MTF2: variants seen among roughly 807,000 people sequenced by gnomAD.
The protein encoded by MTF2 is metal response element binding transcription factor 2, also known as metal-response element-binding transcription factor 2.
Under a neutral mutation model 79.5 loss-of-function variants are expected in MTF2, and 11 were observed. The observed-to-expected ratio is 0.14, with a 90% CI of 0.09 to 0.23. The LOEUF (loss-of-function observed/expected upper bound fraction) is 0.23, where lower values mean the gene tolerates loss of function less well. Ranked by LOEUF, MTF2 falls within the 10% of genes least tolerant of loss-of-function variation. The pLI, the probability that MTF2 is intolerant of heterozygous loss-of-function variation, is 1.00. For synonymous variants in MTF2, 208 were observed against 232.8 expected, an observed-to-expected ratio of 0.89 and a Z score of 0.97; for missense variants, 486 against 711.2, an observed-to-expected ratio of 0.68 and a Z score of 3.60.
chr1:93,085,423 C>T (rs1311835783), intron 1 of MTF2, among the ~76,000 whole-genome samples: 2 of 151,002 alleles, frequency 1.3e-5, no homozygotes, highest in Admixed American at 1.3e-4. Flanking sequence ...ATGATGCGCC[C>T]TTCGTGGCTT....
At chr1:93,111,890 C>A (rs1052420458) in intron 3 of MTF2, among the ~76,000 whole-genome samples, 1 of 152,020 alleles carries the variant, frequency 6.6e-6, no homozygotes, top group Non-Finnish European at 1.5e-5. Flanking sequence ...CTTTTTACTC[C>A]CCTTCCATTA....
intron 1 of MTF2, among the ~76,000 whole-genome samples, chr1:93,090,620 G>A (rs1655036655): frequency 6.6e-6 from 1 of 151,858 alleles, no homozygotes; most frequent in African/African-American, 2.4e-5. Flanking sequence ...TAAGAGAGTA[G>A]GATTGTTGGA....
intron 9 of MTF2, chr1:93,121,465 G>T: frequency 1.0e-6 from 1 of 973,468 alleles, no homozygotes; most frequent in African/African-American, 1.8e-5. Context: ...TTTTTTTTAG[G>T]TAAAAATTTT....
At chr1:93,113,300 G>A (rs375902022) in intron 3 of MTF2, among the ~76,000 whole-genome samples, 5 of 152,050 alleles carry the variant, frequency 3.3e-5, no homozygotes, top group African/African-American at 1.2e-4. Context: ...GCATTGCTTG[G>A]GCTTGGGAAG....
chr1:93,120,521 T>C (rs1427547715), intron 8 of MTF2, 28 bp from the exon 9 acceptor site: 1 of 1,542,322 alleles, frequency 6.5e-7, no homozygotes, highest in Non-Finnish European at 8.7e-7. Flanking sequence ...AACATTGTTT[T>C]GTGTATTTGA....
chr1:93,112,407 A>G (rs1656067037), intron 3 of MTF2, among the ~76,000 whole-genome samples: 1 of 152,218 alleles, frequency 6.6e-6, no homozygotes, highest in South Asian at 2.1e-4. Flanking sequence ...AAATATTAGT[A>G]GTCAACAGGG....
chr1:93,125,547 G>A (rs1172901551), intron 9 of MTF2, among the ~76,000 whole-genome samples: 1 of 152,028 alleles, frequency 6.6e-6, no homozygotes, highest in Non-Finnish European at 1.5e-5. Flanking sequence ...AAGGATGACA[G>A]AATCAAGAGA....
chr1:93,087,756 A>G (rs1654907760), intron 1 of MTF2, among the ~76,000 whole-genome samples: 1 of 152,156 alleles, frequency 6.6e-6, no homozygotes, highest in Non-Finnish European at 1.5e-5. Flanking sequence ...ATCTAGAATA[A>G]CTTTGTCTCA....
In MTF2 at chr1:93,127,312, A is replaced by G. The variant is rs41313254; in HGVS notation, c.989+13A>G. ...ATTACAAGACCATGTAAGTTGATTT[A>G]TTTTATGTATCCCTATGAGGGAGAC... On this transcript the variant is annotated intron_variant, in intron 10 of 14. Transcript: ENST00000370298. 14,566 of 1,530,318 alleles carry G rather than the reference A, an allele frequency of 9.5e-3. 80 individuals are homozygous for G. The highest frequency in any genetic ancestry group is 0.011 in the Non-Finnish European group (12,659 of 1,104,010). 94.8% of individuals were successfully genotyped at this position (1,530,318 alleles called of 1,614,324 possible).
intron 1 of MTF2, among the ~76,000 whole-genome samples, chr1:93,109,172 G>A (rs1433996037): frequency 6.6e-6 from 1 of 152,014 alleles, no homozygotes; most frequent in East Asian, 1.9e-4. Context: ...AATCTAATTT[G>A]GAAAAGTGAA....
At position 93,115,490 on chromosome 1, in the gene MTF2, A is replaced by G; in HGVS notation, c.504A>G (p.Lys168=). The G allele has an allele frequency of 1.2e-6, 2 of 1,603,472 alleles. No individual in the cohort carries two copies. The highest frequency in any genetic ancestry group is 1.7e-6 in the Non-Finnish European group (2 of 1,176,014). ...TTTKRGGALK[K]GPNAKALQVM... ...TGTAGAGGGGTGGTGCACTTAAGAA[A>G]GGACCAAATGCCAAAGCATTGCAAG... is the stretch of plus-strand genomic sequence containing the variant. Residue 168 remains lysine, a synonymous_variant, in exon 6 of 15, where the codon AAA becomes AAG. Coordinates refer to ENST00000370298, the MANE Select transcript of MTF2 (RefSeq NM_007358.4).
intron 3 of MTF2, among the ~76,000 whole-genome samples, chr1:93,113,244 GAC>G (rs1656105249): frequency 6.6e-6 from 1 of 151,678 alleles, no homozygotes; most frequent in Non-Finnish European, 1.5e-5. Flanking sequence ...TAGGCATGGT[GAC>G]ACACACGCCT....
chr1:93,082,021 C>T (rs1304548033), intron 1 of MTF2, among the ~76,000 whole-genome samples: 1 of 152,100 alleles, frequency 6.6e-6, no homozygotes, highest in East Asian at 1.9e-4. Context: ...TTACCACATA[C>T]CATGTCTTCT....
chr1:93,080,750 T>G (rs1654570526), intron 1 of MTF2, among the ~76,000 whole-genome samples: 1 of 150,982 alleles, frequency 6.6e-6, no homozygotes, highest in South Asian at 2.1e-4. Flanking sequence ...GGTTTCATTC[T>G]CTCTTGGGAA....
intron 11 of MTF2, among the ~76,000 whole-genome samples, chr1:93,129,768 G>A (rs1020493699): frequency 6.6e-6 from 1 of 152,006 alleles, no homozygotes; most frequent in Non-Finnish European, 1.5e-5. Context: ...ATTCAGCACA[G>A]TTTTCAAGTG....
intron 3 of MTF2, among the ~76,000 whole-genome samples, chr1:93,111,162 T>G (rs1656013939): frequency 6.6e-6 from 1 of 152,170 alleles, no homozygotes; most frequent in East Asian, 1.9e-4. Context: ...TAGGTATGCT[T>G]CTTGTGATGA....
intron 3 of MTF2, among the ~76,000 whole-genome samples, chr1:93,112,508 A>G (rs1656070761): frequency 6.6e-6 from 1 of 152,088 alleles, no homozygotes; most frequent in Non-Finnish European, 1.5e-5. Flanking sequence ...GAAATGATAT[A>G]CTCTTGCATT....
At chr1:93,111,873 T>TA (rs1342611542) in intron 3 of MTF2, among the ~76,000 whole-genome samples, 4 of 152,190 alleles carry the variant, frequency 2.6e-5, no homozygotes, top group Non-Finnish European at 5.9e-5. Context: ...TGAAACATGT[T>TA]ATGCTGCTTT....
chr1:93,118,132 T>G (rs1003137634), intron 6 of MTF2, among the ~76,000 whole-genome samples: 5 of 152,108 alleles, frequency 3.3e-5, no homozygotes, highest in African/African-American at 1.2e-4. Flanking sequence ...GCTTATAAAA[T>G]TTCATGAATA....
Sources: gnomAD v4.1 joint callset for allele counts (sites outside exome capture counted in the v4.1 genomes callset) on GRCh38, gnomAD v4.1.1 for gene constraint, MANE v1.5 for transcripts, NCBI Gene and HGNC (gene_info 2026-07-23, HGNC 2026-07-21) for gene names.